The following EYA2 variants were observed in gnomAD, a reference collection of about 807,000 sequenced individuals.
EYA2 encodes the protein protein phosphatase EYA2.
In EYA2, 31 loss-of-function variants were observed where a neutral mutation model predicts 69.2. That is an observed-to-expected ratio of 0.45 (90% CI 0.34 to 0.60). The LOEUF (loss-of-function observed/expected upper bound fraction) is 0.60. EYA2 is among the 20% of genes least tolerant of loss of function. The probability of loss-of-function intolerance (pLI) is 0.02; values close to 1 mark genes in which losing one functional copy is unlikely to be tolerated. For missense variants in EYA2, 622 were observed against 701.2 expected (o/e 0.89, Z 1.28); for synonymous variants, 257 against 279.4 (o/e 0.92, Z 0.80).
At chr20:47,019,971 T>TAAA (rs113968732) in intron 5 of EYA2, among the ~76,000 whole-genome samples, 70,182 of 132,888 alleles carry the variant, frequency 0.53, 19,583 homozygotes, top group Middle Eastern at 0.61. Flanking sequence ...ACCCTATCTT[T>TAAA]AAAAAAAAAA....
intron 5 of EYA2, among the ~76,000 whole-genome samples, chr20:47,042,829 CAAG>C (rs1194599622): frequency 6.6e-6 from 1 of 152,158 alleles, no homozygotes; most frequent in Non-Finnish European, 1.5e-5. Context: ...AAGAGAAAAG[CAAG>C]AAGGAGCAAT....
chr20:46,987,962 CTCTATATATATA>C (rs1182911030), intron 1 of EYA2, among the ~76,000 whole-genome samples: 1 of 17,554 alleles, frequency 5.7e-5, no homozygotes, highest in African/African-American at 2.2e-4. Context: ...CTCTCTCTCT[CTCTATATATATA>C]TATATATATA....
intron 5 of EYA2, among the ~76,000 whole-genome samples, chr20:47,049,457 A>G (rs2030209688): frequency 6.6e-6 from 1 of 152,088 alleles, no homozygotes; most frequent in African/African-American, 2.4e-5. Flanking sequence ...ATGGGGGCGA[A>G]TCCCTTGTGA....
intron 9 of EYA2, among the ~76,000 whole-genome samples, chr20:47,112,840 A>G (rs1177101998): frequency 7.1e-6 from 1 of 140,316 alleles, no homozygotes; most frequent in Non-Finnish European, 1.6e-5. Flanking sequence ...ATGGCTCCAA[A>G]AGTTAGATTT....
intron 10 of EYA2, among the ~76,000 whole-genome samples, chr20:47,165,801 G>C (rs1473634583): frequency 3.3e-5 from 5 of 152,106 alleles, no homozygotes; most frequent in Non-Finnish European, 4.4e-5. Context: ...CCCTCTCTCA[G>C]ATTCCAGCCC....
chr20:46,937,649 A>AT (rs5841661), intron 1 of EYA2, among the ~76,000 whole-genome samples: 45,302 of 128,184 alleles, frequency 0.35, 8,606 homozygotes, highest in Non-Finnish European at 0.43. Context: ...TCATGCCTTG[A>AT]TTTTTTTTTT....
intron 1 of EYA2, among the ~76,000 whole-genome samples, chr20:46,974,411 G>A (rs1746047244): frequency 1.3e-5 from 2 of 152,156 alleles, no homozygotes; most frequent in Admixed American, 6.5e-5. Context: ...CAGTTTTAGT[G>A]GTCTCACTTG....
chr20:47,036,144 T>C (rs976137793), intron 5 of EYA2, among the ~76,000 whole-genome samples: 4 of 152,058 alleles, frequency 2.6e-5, no homozygotes, highest in Non-Finnish European at 5.9e-5. Context: ...ATTTGACAGA[T>C]GAGAAAACTG....
chr20:47,122,545 A>G (rs1461093629), intron 9 of EYA2, among the ~76,000 whole-genome samples: 1 of 151,832 alleles, frequency 6.6e-6, no homozygotes, highest in Non-Finnish European at 1.5e-5. Context: ...TGATCCACCT[A>G]TCTCGGCCTC....
At chr20:47,181,808 T>TGAATA (rs1239588809) in intron 14 of EYA2, among the ~76,000 whole-genome samples, 2 of 152,364 alleles carry the variant, frequency 1.3e-5, no homozygotes, top group East Asian at 3.9e-4. Context: ...AAACATTATA[T>TGAATA]GAAAGTGCCT....
chr20:47,138,223 T>C (rs1028278601), intron 9 of EYA2, among the ~76,000 whole-genome samples: 4 of 152,142 alleles, frequency 2.6e-5, no homozygotes, highest in African/African-American at 7.2e-5. Flanking sequence ...TAGCCTTGCT[T>C]TTCTGAGGCT....
intron 1 of EYA2, among the ~76,000 whole-genome samples, chr20:46,971,597 G>T (rs532173083): frequency 3.7e-4 from 56 of 152,358 alleles, no homozygotes; most frequent in African/African-American, 1.3e-3. Context: ...TTGTAGAAGA[G>T]AGAAGAGAAA....
intron 1 of EYA2, among the ~76,000 whole-genome samples, chr20:46,972,331 T>C (rs921708893): frequency 8.6e-5 from 13 of 150,942 alleles, no homozygotes; most frequent in Non-Finnish European, 1.8e-4. Flanking sequence ...TGGGTATTAA[T>C]TACTCCAAGT....
At chr20:46,972,666 A>G (rs1980213180) in intron 1 of EYA2, among the ~76,000 whole-genome samples, 2 of 152,108 alleles carry the variant, frequency 1.3e-5, no homozygotes, top group South Asian at 4.1e-4. Flanking sequence ...CCACCTGGCA[A>G]GTGAGAAAGT....
chr20:47,012,351 T>G lies in EYA2; in HGVS notation c.299-3830T>G, dbSNP rs561081108. On this transcript the variant is annotated intron_variant, in intron 4 of 15. Coordinates refer to ENST00000327619, the MANE Select transcript of EYA2 (RefSeq NM_005244.5). ...CCCCAGGCCAAACCGTGACCAGATTTCCTTTGAACATAATCTCTTAGAGCA... is the reference window on the plus strand; with the variant it reads ...CCCCAGGCCAAACCGTGACCAGATTGCCTTTGAACATAATCTCTTAGAGCA... 2.2e-4 allele frequency among the ~76,000 whole-genome samples: 33 copies of G among 152,344 alleles called. 1 individual carries two copies. Among genetic ancestry groups the G allele is most frequent in the African/African-American group, 7.7e-4 (32 of 41,584 alleles).
chr20:46,994,479 C>T (rs1981887457), intron 2 of EYA2, among the ~76,000 whole-genome samples: 2 of 152,090 alleles, frequency 1.3e-5, no homozygotes, highest in Non-Finnish European at 2.9e-5. Flanking sequence ...AAACCACCAC[C>T]CTACGCTACA....
At chr20:47,081,844 A>G (rs561451246) in intron 7 of EYA2, among the ~76,000 whole-genome samples, 7 of 150,928 alleles carry the variant, frequency 4.6e-5, no homozygotes, top group African/African-American at 1.5e-4. Context: ...TGCATTGCCT[A>G]TTATTATTAT....
chr20:47,005,075 C>G lies in EYA2; in HGVS notation c.289C>G (p.Pro97Ala). 1 of 1,613,640 alleles carries G rather than the reference C, an allele frequency of 6.2e-7. No individual in the cohort carries two copies. The highest frequency in any genetic ancestry group is 8.5e-7 in the Non-Finnish European group (1 of 1,179,748). ...ACCTCCAGCACAAGCCTATGGAATC[C>G]CTTCCTACAGTGAGTAGTAAACAAG... The part of the protein sequence containing the change: ...YPPPAQAYGI[P>A]SYSIKTEDSL... Residue 97 changes from proline (P) to alanine (A), a missense_variant, in exon 4 of 16, where the codon CCT becomes GCT. Pro to Ala is a conservative substitution (Grantham distance 27). Around this residue, in one of 2 missense-constraint regions of EYA2, gnomAD observed 365 missense variants for 349.7 expected, o/e 1.04. Transcript: ENST00000327619.
chr20:47,067,619 T>A (rs924913268), intron 5 of EYA2, among the ~76,000 whole-genome samples: 3 of 152,094 alleles, frequency 2.0e-5, no homozygotes, highest in Non-Finnish European at 4.4e-5. Flanking sequence ...TAAAAAAAAA[T>A]TTAATGTAAC....
Sources: allele counts gnomAD v4.1 joint callset (sites outside exome capture counted in the v4.1 genomes callset), GRCh38; gene constraint gnomAD v4.1.1; regional missense constraint gnomAD v4.1.1; transcripts MANE v1.5; gene names NCBI Gene and HGNC (gene_info 2026-07-23, HGNC 2026-07-21).